ABI1: variants seen among roughly 807,000 people sequenced by gnomAD.
The protein encoded by ABI1 is Abelson interactor 1.
Under a neutral mutation model 54.6 loss-of-function variants are expected in ABI1, and 14 were observed. The observed-to-expected ratio is 0.26, with a 90% CI of 0.17 to 0.40. The LOEUF is 0.40. Ranked by LOEUF, ABI1 falls within the 10% of genes least tolerant of loss-of-function variation. ABI1 has a pLI of 1.00. For missense variants in ABI1, 443 were observed against 598.3 expected, an observed-to-expected ratio of 0.74 and a Z score of 2.71; for synonymous variants, 194 against 209.3, an observed-to-expected ratio of 0.93 and a Z score of 0.63.
At chr10:26,825,237 T>C (rs1373122555) in intron 1 of ABI1, among the ~76,000 whole-genome samples, 1 of 152,210 alleles carries the variant, frequency 6.6e-6, no homozygotes, top group Non-Finnish European at 1.5e-5. Context: ...AAAACTGAAA[T>C]CAAGCCTGGG....
chr10:26,773,634 GCCATTAGGCTGAGA>G (rs1035089730), intron 3 of ABI1, among the ~76,000 whole-genome samples: 5 of 152,030 alleles, frequency 3.3e-5, no homozygotes, highest in African/African-American at 7.3e-5. Flanking sequence ...TAATCAGAAA[GCCATTAGGCTGAGA>G]CCATTAGGCT....
intron 2 of ABI1, among the ~76,000 whole-genome samples, chr10:26,800,809 C>T (rs1366859274): frequency 1.3e-5 from 2 of 152,148 alleles, no homozygotes; most frequent in Non-Finnish European, 2.9e-5. Context: ...GAGTTCGAGA[C>T]CAGCCTTACC....
intron 8 of ABI1, 118 bp from the exon 9 acceptor site, chr10:26,755,859 G>T: frequency 3.2e-6 from 2 of 621,652 alleles, no homozygotes; most frequent in East Asian, 2.8e-5. Context: ...AGAACAGTTT[G>T]CAAATGAAAC....
At chr10:26,826,216 G>A (rs2048296483) in intron 1 of ABI1, among the ~76,000 whole-genome samples, 1 of 152,302 alleles carries the variant, frequency 6.6e-6, no homozygotes, top group South Asian at 2.1e-4. Context: ...CTATGGGGCT[G>A]CAAAATAAGT....
chr10:26,834,875 G>A (rs1442289793), intron 1 of ABI1, among the ~76,000 whole-genome samples: 1 of 152,026 alleles, frequency 6.6e-6, no homozygotes, highest in African/African-American at 2.4e-5. Flanking sequence ...GGCCGAGGCG[G>A]GCAAATCACT....
chr10:26,834,989 G>C (rs541900474), intron 1 of ABI1, among the ~76,000 whole-genome samples: 16 of 148,304 alleles, frequency 1.1e-4, no homozygotes, highest in Non-Finnish European at 2.1e-4. Flanking sequence ...TGTAATCCCA[G>C]CTACTCAAGA....
chr10:26,825,888 C>G (rs183718815), intron 1 of ABI1, among the ~76,000 whole-genome samples: 1 of 152,194 alleles, frequency 6.6e-6, no homozygotes. Flanking sequence ...GCCACTTCTT[C>G]GGGCTCCAAT....
chr10:26,822,735 CA>C (rs1440543993), intron 2 of ABI1, among the ~76,000 whole-genome samples: 1 of 152,024 alleles, frequency 6.6e-6, no homozygotes, highest in Non-Finnish European at 1.5e-5. Context: ...AGAAATTTGG[CA>C]GGGGGAAAGG....
At chr10:26,783,810 A>G (rs1842419442) in intron 2 of ABI1, among the ~76,000 whole-genome samples, 1 of 152,182 alleles carries the variant, frequency 6.6e-6, no homozygotes, top group African/African-American at 2.4e-5. Flanking sequence ...CACTTAGTTA[A>G]GTACACTGCT....
chr10:26,789,764 G>A (rs1843182821), intron 2 of ABI1, among the ~76,000 whole-genome samples: 1 of 151,974 alleles, frequency 6.6e-6, no homozygotes, highest in Non-Finnish European at 1.5e-5. Context: ...GTTTTTCCTG[G>A]TCCTCTCCCT....
chr10:26,830,472 C>T (rs2048593065), intron 1 of ABI1, among the ~76,000 whole-genome samples: 2 of 151,756 alleles, frequency 1.3e-5, no homozygotes, highest in African/African-American at 4.8e-5. Flanking sequence ...AATAAAAAAT[C>T]AGATAGGCCT....
intron 1 of ABI1, among the ~76,000 whole-genome samples, chr10:26,833,204 C>T (rs2048800263): frequency 1.3e-5 from 2 of 152,104 alleles, no homozygotes; most frequent in African/African-American, 4.8e-5. Context: ...GACAGGAATG[C>T]CAGTTGGGGC....
intron 2 of ABI1, among the ~76,000 whole-genome samples, chr10:26,796,042 T>C (rs1844113761): frequency 6.6e-6 from 1 of 151,952 alleles, no homozygotes; most frequent in South Asian, 2.1e-4. Flanking sequence ...TGAGCCATGA[T>C]TGTGTCACTG....
intron 1 of ABI1, among the ~76,000 whole-genome samples, chr10:26,855,400 A>C (rs747313261): frequency 6.6e-6 from 1 of 152,226 alleles, no homozygotes; most frequent in African/African-American, 2.4e-5. Flanking sequence ...TGAAAAGAGC[A>C]CAGCCTATGG....
intron 2 of ABI1, among the ~76,000 whole-genome samples, chr10:26,816,341 T>C (rs74126853): frequency 0.037 from 5,634 of 152,218 alleles, 359 homozygotes; most frequent in African/African-American, 0.13. Context: ...ACTACAGATA[T>C]GCAGCCAGAA....
In ABI1 at chr10:26,751,592, C is replaced by T. The variant is rs377364870; in HGVS notation, c.1270+6G>A. The stretch of plus-strand genomic sequence containing the variant: ...CCTTCACATCAACTCAATGACTGTA[C>T]CTTACCTTTCTCAATATAATTCTTG... On this transcript the variant is annotated splice_donor_region_variant and intron_variant, in intron 10 of 10. Transcript: ENST00000376140. 2.5e-6 allele frequency: 4 copies of T among 1,610,478 alleles called. No individual in the cohort carries two copies. In the African/African-American group the frequency reaches 4.0e-5, roughly 16 times the overall value.
At chr10:26,800,241 C>T (rs897006676) in intron 2 of ABI1, among the ~76,000 whole-genome samples, 4 of 151,898 alleles carry the variant, frequency 2.6e-5, no homozygotes, top group East Asian at 3.9e-4. Flanking sequence ...AAAAATTAGC[C>T]GGGCATGGTG....
intron 1 of ABI1, chr10:26,839,655 A>T: frequency 4.8e-6 from 3 of 625,404 alleles, no homozygotes; most frequent in Non-Finnish European, 8.4e-6. Flanking sequence ...TCTGTTTAAA[A>T]AAAAAAAAAA....
At chr10:26,786,833 C>A (rs1213028405) in intron 2 of ABI1, among the ~76,000 whole-genome samples, 2 of 152,188 alleles carry the variant, frequency 1.3e-5, no homozygotes, top group Non-Finnish European at 2.9e-5. Context: ...TATATACACA[C>A]AAACTTTTCT....
Sources: allele counts gnomAD v4.1 joint callset (sites outside exome capture counted in the v4.1 genomes callset), GRCh38; gene constraint gnomAD v4.1.1; transcripts MANE v1.5; gene names NCBI Gene and HGNC (gene_info 2026-07-23, HGNC 2026-07-21).